Variants in HDLBP observed in about 807,000 individuals in gnomAD.
HDLBP encodes high density lipoprotein binding protein, also known as vigilin.
Under a neutral mutation model 137.3 loss-of-function variants are expected in HDLBP, and 30 were observed. That is an observed-to-expected ratio of 0.22 (90% CI 0.16 to 0.30). The LOEUF is 0.30. Among genes scored for constraint, HDLBP ranks in the 10% least tolerant of loss-of-function variants. The pLI is 1.00. For synonymous variants in HDLBP, 606 were observed against 596.0 expected (o/e 1.02, Z -0.24); for missense variants, 1,119 against 1,667.3 (o/e 0.67, Z 5.73).
At chr2:241,273,250 C>T (rs774488632) in intron 1 of HDLBP, 17 of 985,006 alleles carry the variant, frequency 1.7e-5, no homozygotes, top group Non-Finnish European at 1.9e-5. Flanking sequence ...GGCTCCCAGG[C>T]GGCTCCAGGG....
intron 1 of HDLBP, among the ~76,000 whole-genome samples, chr2:241,306,518 C>CA (rs1439754306): frequency 6.6e-6 from 1 of 152,138 alleles, no homozygotes; most frequent in African/African-American, 2.4e-5. Flanking sequence ...CTCAGCCTCC[C>CA]AAAGTGCTGG....
intron 10 of HDLBP, 173 bp downstream of exon 10, chr2:241,253,219 TA>T (rs2072338706): frequency 1.5e-6 from 1 of 667,928 alleles, no homozygotes; most frequent in Non-Finnish European, 2.7e-6. Flanking sequence ...CACCCACGAT[TA>T]TTCCAGGACT....
Position 241,233,831 on chromosome 2 carries a change from C to T in HDLBP, c.3277G>A (p.Asp1093Asn). 2 of 1,614,174 alleles carry T rather than the reference C, an allele frequency of 1.2e-6. No homozygotes were observed. Among genetic ancestry groups the T allele is most frequent in the Non-Finnish European group, 1.7e-6 (2 of 1,180,024 alleles). The change falls in exon 24 of 28, where the codon GAT (aspartate) becomes AAT (asparagine). Residue 1093 changes from aspartate to asparagine, a missense_variant. Transcript: ENST00000310931. This position sits in a 1 kb window ranked among gnomAD's most constrained non-coding sequence, Gnocchi z 4.3. ...DVNIQFPDKD[D>N]GNQPQDQITI... ...ACCGAGGCTCTCACCTGGTTCCCAT[C>T]GTCCTTATCAGGAAACTGGATGTTC... is the stretch of plus-strand genomic sequence containing the variant.
intron 1 of HDLBP, among the ~76,000 whole-genome samples, chr2:241,304,105 A>G (rs1019846632): frequency 2.0e-5 from 3 of 152,190 alleles, no homozygotes; most frequent in Non-Finnish European, 4.4e-5. Flanking sequence ...ATGTGTATGT[A>G]TTACAGGCAT....
At position 241,229,514 on chromosome 2, in the gene HDLBP, G is replaced by T; in HGVS notation, c.*87C>A. The T allele has an allele frequency of 1.0e-6, 1 of 965,090 alleles. No individual in the cohort carries two copies. Among genetic ancestry groups the T allele is most frequent in the Non-Finnish European group, 1.6e-6 (1 of 622,306 alleles). 59.8% of individuals were successfully genotyped at this position (965,090 alleles called of 1,614,324 possible). On this transcript the variant is annotated 3_prime_UTR_variant, in exon 28 of 28. Transcript: ENST00000310931. The stretch of plus-strand genomic sequence containing the variant: ...GAAGAGCGTCAACAATTTACGGAGG[G>T]TCCAGCCGCTGGGTCAGATTGAGAC...
intron 1 of HDLBP, chr2:241,273,458 C>A: frequency 2.1e-6 from 1 of 475,332 alleles, no homozygotes; most frequent in Non-Finnish European, 2.7e-6. Context: ...CCTCTGAGCC[C>A]ACGGTGGATA....
At chr2:241,263,123 G>A (rs2073334794) in intron 4 of HDLBP, among the ~76,000 whole-genome samples, 197 bp from the exon 5 acceptor site, 1 of 152,234 alleles carries the variant, frequency 6.6e-6, no homozygotes, top group African/African-American at 2.4e-5. Flanking sequence ...ACATCCTAAG[G>A]AGAGAACCAC....
At chr2:241,237,940 T>C (rs1015401442) in intron 20 of HDLBP, among the ~76,000 whole-genome samples, 2 of 152,254 alleles carry the variant, frequency 1.3e-5, no homozygotes, top group Non-Finnish European at 2.9e-5. Flanking sequence ...TGTGACATGC[T>C]TCCTGGATGC....
chr2:241,309,618 C>T (rs559993080), intron 1 of HDLBP, among the ~76,000 whole-genome samples: 3 of 152,260 alleles, frequency 2.0e-5, no homozygotes, highest in East Asian at 3.9e-4. Context: ...TTAAAAGGCA[C>T]GAAGATCCCT....
rs115523999 is a variant in HDLBP at position 241,311,139 on chromosome 2, A to G, written c.-103+4431T>C. On this transcript the variant is annotated intron_variant, in intron 1 of 27. Transcript: ENST00000310931. ...TCAAAAAAAAACAAAAGAAAGAAAG[A>G]AGAAAAAAAAGAAACAAAAACCTTC... Among the ~76,000 whole-genome samples the G allele has an allele frequency of 5.7e-3, 864 of 152,222 alleles. 16 individuals carry two copies. Among genetic ancestry groups the G allele is most frequent in the African/African-American group, 0.019 (802 of 41,528 alleles).
chr2:241,258,857 T>C (rs1160153937), intron 5 of HDLBP, among the ~76,000 whole-genome samples: 1 of 152,186 alleles, frequency 6.6e-6, no homozygotes, highest in Non-Finnish European at 1.5e-5. Flanking sequence ...AGCCTGGCTC[T>C]TGCATACTGC....
At chr2:241,300,246 C>G (rs1166060085) in intron 1 of HDLBP, among the ~76,000 whole-genome samples, 1 of 152,024 alleles carries the variant, frequency 6.6e-6, no homozygotes, top group African/African-American at 2.4e-5. Context: ...GCGGGCGCCC[C>G]CCGGTGCTCC....
chr2:241,240,264 A>C lies in HDLBP; in HGVS notation c.2170-142T>G. The stretch of plus-strand genomic sequence containing the variant: ...CCTGATGTTGCACCAATACCCCCAA[A>C]ATGGGGCTAGCACACCTCACTGAAT... On this transcript the variant is annotated intron_variant, in intron 17 of 27. Coordinates refer to ENST00000310931, the MANE Select transcript of HDLBP (RefSeq NM_005336.6). This position sits in a 1 kb window ranked among gnomAD's most constrained non-coding sequence, Gnocchi z 5.5. 1 of 757,714 alleles carries C rather than the reference A, an allele frequency of 1.3e-6. No homozygotes were observed. Among genetic ancestry groups the C allele is most frequent in the Admixed American group, 2.0e-5 (1 of 50,386 alleles). The allele number at this position is 757,714 out of a possible 1,614,324, so 46.9% of individuals were successfully genotyped here. A position where few individuals can be genotyped will look rare whatever the true frequency, so the allele number is the denominator to read the frequency against.
At chr2:241,267,796 C>A in intron 2 of HDLBP, 1 of 1,484,362 alleles carries the variant, frequency 6.7e-7, no homozygotes, top group East Asian at 2.5e-5. Context: ...TCCACACTGA[C>A]TGGTTATTCT....
rs2071362655 is a variant in HDLBP at position 241,242,697 on chromosome 2, C to T, written c.1951-19G>A. On this transcript the variant is annotated intron_variant, in intron 16 of 27. Coordinates refer to ENST00000310931, the MANE Select transcript of HDLBP (RefSeq NM_005336.6). ...TGTTGGCCTGAAACCAAACACAGGG[C>T]AGGAGGAGGAAGTCACATTTTTGTG... The T allele has an allele frequency of 1.2e-6, 2 of 1,602,056 alleles. No individual in the cohort carries two copies. The highest frequency in any genetic ancestry group is 1.7e-4 in the Middle Eastern group (1 of 5,916).
At position 241,228,822 on chromosome 2, in the gene HDLBP, C is replaced by A. The variant is rs2069379239; in HGVS notation, c.*779G>T. The A allele has an allele frequency of 6.5e-6, 1 of 152,860 alleles. No homozygotes were observed. Among genetic ancestry groups the A allele is most frequent in the Non-Finnish European group, 1.5e-5 (1 of 68,224 alleles). 9.5% of individuals were successfully genotyped at this position (152,860 alleles called of 1,614,324 possible). A position where few individuals can be genotyped will look rare whatever the true frequency, so the allele number is the denominator to read the frequency against. On this transcript the variant is annotated 3_prime_UTR_variant, in exon 28 of 28. Coordinates refer to ENST00000310931, the MANE Select transcript of HDLBP (RefSeq NM_005336.6). Reference sequence around the variant, plus strand: ...TGAGGACAAGCGTAAGGCCCTACCTCCCCCAACCTGTGCGCATCTCAATCA... The same window carrying A: ...TGAGGACAAGCGTAAGGCCCTACCTACCCCAACCTGTGCGCATCTCAATCA...
intron 2 of HDLBP, chr2:241,267,990 TC>T (rs1428266697): frequency 1.4e-6 from 1 of 702,260 alleles, no homozygotes; most frequent in Admixed American, 8.6e-5. Context: ...TTCCTCTCCT[TC>T]CCTCTCCTTC....
intron 1 of HDLBP, among the ~76,000 whole-genome samples, chr2:241,305,204 G>C (rs1393789377): frequency 6.6e-6 from 1 of 152,106 alleles, no homozygotes; most frequent in Non-Finnish European, 1.5e-5. Context: ...GCTCACTGCA[G>C]CCTCCAACTC....
chr2:241,264,951 A>AT (rs1252733363), intron 3 of HDLBP, among the ~76,000 whole-genome samples: 3 of 152,222 alleles, frequency 2.0e-5, no homozygotes, highest in Non-Finnish European at 2.9e-5. Flanking sequence ...TGCTACGTCA[A>AT]TTTTTAAGTC....
Sources: allele counts gnomAD v4.1 joint callset (sites outside exome capture counted in the v4.1 genomes callset), GRCh38; gene constraint gnomAD v4.1.1; non-coding constraint Gnocchi (gnomAD v3.1); transcripts MANE v1.5; gene names NCBI Gene and HGNC (gene_info 2026-07-23, HGNC 2026-07-21).